The following KCNH5 variants were observed in gnomAD, a reference collection of about 807,000 sequenced individuals.
The protein encoded by KCNH5 is voltage-gated delayed rectifier potassium channel KCNH5.
KCNH5 carries 46 observed loss-of-function variants against 96.1 expected under a neutral mutation model. That is an observed-to-expected ratio of 0.48 (90% CI 0.38 to 0.61). The LOEUF is 0.61. Among genes scored for constraint, KCNH5 ranks in the 20% least tolerant of loss-of-function variants. The pLI, the probability that KCNH5 is intolerant of heterozygous loss-of-function variation, is 0.00. For missense variants in KCNH5, 907 were observed against 1,225.8 expected (o/e 0.74, Z 3.88); for synonymous variants, 439 against 449.8 (o/e 0.98, Z 0.30).
At chr14:62,793,680 T>G (rs986353101) in intron 9 of KCNH5, among the ~76,000 whole-genome samples, 2 of 151,700 alleles carry the variant, frequency 1.3e-5, no homozygotes, top group African/African-American at 4.8e-5. Flanking sequence ...CTTAAAAAAT[T>G]TTTTTAAGTT....
At chr14:62,811,228 A>AC (rs1886867072) in intron 8 of KCNH5, among the ~76,000 whole-genome samples, 1 of 152,160 alleles carries the variant, frequency 6.6e-6, no homozygotes, top group Admixed American at 6.6e-5. Flanking sequence ...CTCTTAGTGA[A>AC]ACACATATAT....
chr14:62,811,319 C>T (rs1886868960), intron 8 of KCNH5, among the ~76,000 whole-genome samples: 1 of 152,096 alleles, frequency 6.6e-6, no homozygotes, highest in African/African-American at 2.4e-5. Flanking sequence ...ACCAAGCATA[C>T]AGGGCTCTTT....
intron 7 of KCNH5, among the ~76,000 whole-genome samples, chr14:62,872,791 C>T (rs114486075): frequency 1.3e-5 from 2 of 152,126 alleles, no homozygotes; most frequent in African/African-American, 4.8e-5. Flanking sequence ...TAAGAACTTG[C>T]CTTCTACTAA....
intron 8 of KCNH5, among the ~76,000 whole-genome samples, chr14:62,832,570 G>T (rs1235032006): frequency 6.6e-6 from 1 of 152,040 alleles, no homozygotes; most frequent in African/African-American, 2.4e-5. Context: ...AAATGATCAT[G>T]GAAATATAAA....
chr14:63,006,420 T>A lies in KCNH5; in HGVS notation c.250A>T (p.Thr84Ser). 1 of 1,613,314 alleles carries A rather than the reference T, an allele frequency of 6.2e-7. No individual in the cohort carries two copies. Among genetic ancestry groups the A allele is most frequent in the Non-Finnish European group, 8.5e-7 (1 of 1,179,510 alleles). Residue 84 changes from threonine to serine, a missense_variant, in exon 3 of 11, where the codon ACT becomes TCT. Transcript: ENST00000322893. ...CAGTTTGATTCGTAGTTGTCAAAAGTTTGCCTGACTTTCTCAATGGTCTTC... is the reference window on the plus strand; with the variant it reads ...CAGTTTGATTCGTAGTTGTCAAAAGATTGCCTGACTTTCTCAATGGTCTTC... ...DKKTIEKVRQ[T>S]FDNYESNCFE...
At chr14:62,897,195 G>C (rs1888831238) in intron 7 of KCNH5, among the ~76,000 whole-genome samples, 1 of 152,040 alleles carries the variant, frequency 6.6e-6, no homozygotes, top group Non-Finnish European at 1.5e-5. Flanking sequence ...AAGTGAAAAT[G>C]ACTAAAGACA....
chr14:62,741,693 A>G (rs1470915308), intron 10 of KCNH5, among the ~76,000 whole-genome samples: 1 of 152,068 alleles, frequency 6.6e-6, no homozygotes, highest in Non-Finnish European at 1.5e-5. Context: ...AAAAGTTGAT[A>G]TTATTTTCTA....
At chr14:62,747,910 G>T (rs1320604632) in intron 10 of KCNH5, among the ~76,000 whole-genome samples, 2 of 152,184 alleles carry the variant, frequency 1.3e-5, no homozygotes, top group Admixed American at 1.3e-4. Flanking sequence ...TTTCCTTTGG[G>T]AAGACTCAGT....
chr14:62,856,391 A>G (rs1887928184), intron 7 of KCNH5, among the ~76,000 whole-genome samples: 1 of 152,240 alleles, frequency 6.6e-6, no homozygotes, highest in Non-Finnish European at 1.5e-5. Context: ...GCCAAGTGAT[A>G]TTGGCCTTAG....
chr14:62,771,486 A>G (rs190998903), intron 10 of KCNH5, among the ~76,000 whole-genome samples: 726 of 152,172 alleles, frequency 4.8e-3, no homozygotes, highest in Middle Eastern at 0.014. Context: ...TTAGCCGGGC[A>G]TGGTGGCAGG....
intron 1 of KCNH5, among the ~76,000 whole-genome samples, chr14:63,033,022 G>T (rs1950987): frequency 0.24 from 35,996 of 151,764 alleles, 4,871 homozygotes; most frequent in East Asian, 0.43. Context: ...TCCTAATAAT[G>T]CTACCAACAA....
intron 9 of KCNH5, among the ~76,000 whole-genome samples, chr14:62,788,221 C>T (rs1187452204): frequency 6.6e-6 from 1 of 152,118 alleles, no homozygotes; most frequent in Non-Finnish European, 1.5e-5. Context: ...GATTCCAACC[C>T]TCATGGATGA....
chr14:62,975,599 G>A (rs183140731), intron 6 of KCNH5, among the ~76,000 whole-genome samples: 1 of 152,172 alleles, frequency 6.6e-6, no homozygotes, highest in East Asian at 1.9e-4. Context: ...GAAAGGTAAA[G>A]ATACTTAGAA....
At chr14:62,723,357 A>G (rs1205621606) in intron 10 of KCNH5, among the ~76,000 whole-genome samples, 1 of 152,228 alleles carries the variant, frequency 6.6e-6, no homozygotes, top group Admixed American at 6.5e-5. Flanking sequence ...TCTTCTATTA[A>G]GTATTATCTT....
chr14:62,936,717 C>A (rs368998601), intron 7 of KCNH5, among the ~76,000 whole-genome samples: 3 of 150,062 alleles, frequency 2.0e-5, no homozygotes, highest in African/African-American at 7.4e-5. Flanking sequence ...GTGGCTCACA[C>A]CTGTAATCCT....
chr14:62,915,064 G>A (rs951159300), intron 7 of KCNH5, among the ~76,000 whole-genome samples: 1 of 152,210 alleles, frequency 6.6e-6, no homozygotes, highest in South Asian at 2.1e-4. Context: ...TGCACCACAG[G>A]TGTGAACCAG....
At chr14:63,040,702 T>C (rs939105564) in intron 1 of KCNH5, among the ~76,000 whole-genome samples, 4 of 152,170 alleles carry the variant, frequency 2.6e-5, no homozygotes, top group Non-Finnish European at 5.9e-5. Context: ...TTTGTTTTGT[T>C]TACAGATCAC....
In KCNH5 at chr14:62,725,271, T is replaced by C. The variant is rs536216412; in HGVS notation, c.2020-16816A>G. Among the ~76,000 whole-genome samples the C allele has an allele frequency of 7.2e-5, 11 of 152,332 alleles. No homozygotes were observed. In the South Asian group the frequency reaches 2.3e-3, roughly 32 times the overall value. Reference sequence around the variant, plus strand: ...AAAAGAAAGAAAGAACATGTCTTTATACAGTCAAAATAGATCTCCCACTGT... The same window carrying C: ...AAAAGAAAGAAAGAACATGTCTTTACACAGTCAAAATAGATCTCCCACTGT... On this transcript the variant is annotated intron_variant, in intron 10 of 10. Transcript: ENST00000322893.
chr14:62,736,625 C>T (rs971050904), intron 10 of KCNH5, among the ~76,000 whole-genome samples: 3 of 152,120 alleles, frequency 2.0e-5, no homozygotes, highest in Non-Finnish European at 2.9e-5. Context: ...TGCCTCCTCC[C>T]AGAGACATTC....
Sources: gnomAD v4.1 joint callset for allele counts (sites outside exome capture counted in the v4.1 genomes callset) on GRCh38, gnomAD v4.1.1 for gene constraint, MANE v1.5 for transcripts, NCBI Gene and HGNC (gene_info 2026-07-23, HGNC 2026-07-21) for gene names.